The following ARID5B variants were observed in gnomAD, a reference collection of about 807,000 sequenced individuals.
ARID5B encodes the protein AT-rich interaction domain 5B.
A neutral mutation model predicts 97.2 loss-of-function variants in ARID5B; 13 were observed. The ratio of observed to expected loss-of-function variants is 0.13; its 90% confidence interval spans 0.09 to 0.21. ARID5B has a LOEUF of 0.21. Ranked by LOEUF, ARID5B falls within the 10% of genes least tolerant of loss-of-function variation. ARID5B has a pLI of 1.00. For synonymous variants in ARID5B, 556 were observed against 570.3 expected, an observed-to-expected ratio of 0.97 and a Z score of 0.36; for missense variants, 1,210 against 1,465.3, an observed-to-expected ratio of 0.83 and a Z score of 2.84.
At chr10:62,056,982 A>G (rs745838324) in intron 5 of ARID5B, 135 bp from the exon 6 acceptor site, 5 of 797,004 alleles carry the variant, frequency 6.3e-6, no homozygotes, top group Non-Finnish European at 9.8e-6. Flanking sequence ...CTGAAAAGCT[A>G]TTAAAAGCAG....
At chr10:62,043,777 C>A (rs551755717) in intron 4 of ARID5B, among the ~76,000 whole-genome samples, 4 of 152,276 alleles carry the variant, frequency 2.6e-5, no homozygotes, top group Non-Finnish European at 5.9e-5. Flanking sequence ...TGATCAGGAG[C>A]ATTAATAATT....
At chr10:62,045,469 C>A (rs1446320404) in intron 4 of ARID5B, among the ~76,000 whole-genome samples, 1 of 142,962 alleles carries the variant, frequency 7.0e-6, no homozygotes, top group African/African-American at 2.6e-5. Context: ...TTTTTTTAGA[C>A]GAAGTCTTGC....
chr10:61,917,286 A>G (rs1467216588), intron 2 of ARID5B, among the ~76,000 whole-genome samples: 3 of 152,198 alleles, frequency 2.0e-5, no homozygotes, highest in African/African-American at 7.2e-5. Flanking sequence ...AGAAGCCAGA[A>G]ACCTAGATTT....
intron 2 of ARID5B, among the ~76,000 whole-genome samples, chr10:61,914,612 C>G (rs1158239027): frequency 1.3e-5 from 2 of 152,342 alleles, no homozygotes; most frequent in Admixed American, 6.5e-5. Flanking sequence ...CCCCATATTT[C>G]TCTTTCCCGA....
At chr10:61,965,878 G>A (rs1670937181) in intron 3 of ARID5B, among the ~76,000 whole-genome samples, 2 of 152,080 alleles carry the variant, frequency 1.3e-5, no homozygotes, top group South Asian at 4.1e-4. Context: ...TAAATGCTTT[G>A]GTTGAACTAA....
chr10:62,025,544 T>A (rs1160083422), intron 4 of ARID5B, among the ~76,000 whole-genome samples: 1 of 152,222 alleles, frequency 6.6e-6, no homozygotes, highest in Non-Finnish European at 1.5e-5. Context: ...GTCATGCTAC[T>A]ATATCCACAG....
At chr10:62,075,249 A>G (rs763778943) in intron 8 of ARID5B, among the ~76,000 whole-genome samples, 3 of 152,210 alleles carry the variant, frequency 2.0e-5, no homozygotes, top group Admixed American at 1.3e-4. Flanking sequence ...CTGACCTTCT[A>G]TGTTTTCAAG....
intron 4 of ARID5B, among the ~76,000 whole-genome samples, chr10:62,039,112 G>A (rs2132915140): frequency 6.6e-6 from 1 of 152,320 alleles, no homozygotes; most frequent in Admixed American, 6.5e-5. Flanking sequence ...TTGCTCATGA[G>A]TTAATAATGT....
rs896847535 is a variant in ARID5B, at chr10:61,918,466, A to G, written c.276+16053A>G. On this transcript the variant is annotated intron_variant, in intron 2 of 9. Transcript: ENST00000279873. Reference sequence around the variant, plus strand: ...GTTATTGACCCTGCCCTCCCTGGTCAGGGACCACATCCTAAGTTTTGAAGT... The same window carrying G: ...GTTATTGACCCTGCCCTCCCTGGTCGGGGACCACATCCTAAGTTTTGAAGT... Among the ~76,000 whole-genome samples, 6 of 152,308 alleles carry G rather than the reference A, an allele frequency of 3.9e-5. No homozygotes were observed. In the East Asian group the frequency reaches 1.2e-3, roughly 29 times the overall value.
chr10:61,933,024 T>A (rs1013669137), intron 2 of ARID5B, among the ~76,000 whole-genome samples: 3 of 152,182 alleles, frequency 2.0e-5, no homozygotes, highest in Non-Finnish European at 4.4e-5. Context: ...TCAGGCCATA[T>A]GGTGCCAATG....
chr10:61,906,680 C>T (rs1843713031), intron 2 of ARID5B, among the ~76,000 whole-genome samples: 2 of 152,160 alleles, frequency 1.3e-5, no homozygotes, highest in Non-Finnish European at 2.9e-5. Context: ...CAGTTATCAC[C>T]AGCCTCACTA....
At chr10:61,906,818 ATCTTGGGCAAGT>A (rs1843716361) in intron 2 of ARID5B, among the ~76,000 whole-genome samples, 2 of 152,216 alleles carry the variant, frequency 1.3e-5, no homozygotes, top group African/African-American at 4.8e-5. Flanking sequence ...TAGCTGTGTT[ATCTTGGGCAAGT>A]TCTAAACTCT....
intron 4 of ARID5B, among the ~76,000 whole-genome samples, chr10:62,032,448 G>A (rs1238711600): frequency 1.3e-5 from 2 of 152,242 alleles, no homozygotes; most frequent in Non-Finnish European, 2.9e-5. Flanking sequence ...GCCGGGTGTG[G>A]TGAGTCACGC....
At chr10:62,065,408 A>G (rs779066658) in intron 7 of ARID5B, among the ~76,000 whole-genome samples, 4 of 152,098 alleles carry the variant, frequency 2.6e-5, no homozygotes, top group Admixed American at 6.5e-5. Context: ...TTTCACTTCC[A>G]TATCTCTGCA....
chr10:61,960,917 A>G (rs1278922824), intron 3 of ARID5B, among the ~76,000 whole-genome samples: 1 of 152,258 alleles, frequency 6.6e-6, no homozygotes, highest in Non-Finnish European at 1.5e-5. Context: ...GCCCTTCGGC[A>G]AGTTGTAGAG....
At chr10:61,905,021 A>C (rs1843687235) in intron 2 of ARID5B, among the ~76,000 whole-genome samples, 1 of 152,258 alleles carries the variant, frequency 6.6e-6, no homozygotes, top group African/African-American at 2.4e-5. Context: ...GGGCCCTCTC[A>C]TTAAGAAATT....
At chr10:61,944,734 G>A (rs1457735110) in intron 3 of ARID5B, among the ~76,000 whole-genome samples, 2 of 152,122 alleles carry the variant, frequency 1.3e-5, no homozygotes, top group Non-Finnish European at 2.9e-5. Context: ...TGTATTTTAG[G>A]CCAAGGTTAT....
chr10:62,076,461 G>T (rs1200504691), intron 8 of ARID5B, among the ~76,000 whole-genome samples: 1 of 151,404 alleles, frequency 6.6e-6, no homozygotes, highest in East Asian at 1.9e-4. Flanking sequence ...AGAATCACGG[G>T]ATGAATCACG....
chr10:62,016,834 A>G (rs980749979), intron 4 of ARID5B, among the ~76,000 whole-genome samples: 1 of 152,144 alleles, frequency 6.6e-6, no homozygotes, highest in Non-Finnish European at 1.5e-5. Flanking sequence ...TAAAATTGTT[A>G]GTTCTTTTAT....
Sources: allele counts gnomAD v4.1 joint callset (sites outside exome capture counted in the v4.1 genomes callset), GRCh38; gene constraint gnomAD v4.1.1; transcripts MANE v1.5; gene names NCBI Gene and HGNC (gene_info 2026-07-23, HGNC 2026-07-21).